TMPRSS9: variants seen among roughly 807,000 people sequenced by gnomAD.
TMPRSS9 encodes the protein transmembrane serine protease 9, also known as transmembrane protease serine 9.
TMPRSS9 carries 113 observed loss-of-function variants against 111.4 expected under a neutral mutation model. The observed-to-expected ratio is 1.01, with a 90% CI of 0.87 to 1.19. The LOEUF is 1.19. Among genes scored for constraint, TMPRSS9 ranks in the 50% most tolerant of loss-of-function variants. The probability of loss-of-function intolerance (pLI) is 0.00; values close to 1 mark genes in which losing one functional copy is unlikely to be tolerated. For synonymous variants in TMPRSS9, 805 were observed against 659.1 expected (o/e 1.22, Z -3.39); for missense variants, 1,803 against 1,513.1 (o/e 1.19, Z -3.18).
At chr19:2,388,781 T>C (rs1970525854), upstream of TMPRSS9, among the ~76,000 whole-genome samples, 1 of 151,568 alleles carries the variant, frequency 6.6e-6, no homozygotes, top group Non-Finnish European at 1.5e-5. Flanking sequence ...CCACCACATC[T>C]GGCTAATTTT....
intron 7 of TMPRSS9, 107 bp downstream of exon 8, chr19:2,405,652 ATT>A: frequency 8.4e-7 from 1 of 1,193,772 alleles, no homozygotes; most frequent in Non-Finnish European, 1.1e-6. Flanking sequence ...CCTGGAAGTA[ATT>A]TTTTCTTTTC....
At chr19:2,422,236 C>G (rs745674837) in exon 14 of TMPRSS9, 1 of 1,509,152 alleles carries the variant, frequency 6.6e-7, no homozygotes, top group Non-Finnish European at 8.8e-7. Flanking sequence ...ACCACACACA[C>G]CCAGCTACCA....
chr19:2,395,358 G>A (rs1014023034), intron 1 of TMPRSS9, among the ~76,000 whole-genome samples: 3 of 152,096 alleles, frequency 2.0e-5, no homozygotes, highest in Non-Finnish European at 2.9e-5. Flanking sequence ...GCTTGAACCC[G>A]GGAGATGGAG....
At chr19:2,420,441 C>CAAAAAAAA (rs575760141) in intron 13 of TMPRSS9, among the ~76,000 whole-genome samples, 1 of 106,150 alleles carries the variant, frequency 9.4e-6, no homozygotes, top group Non-Finnish European at 1.9e-5. Flanking sequence ...GACTCCACCT[C>CAAAAAAAA]AAAAAAAAAA....
At chr19:2,424,514 C>T (rs1971553336) in intron 15 of TMPRSS9, among the ~76,000 whole-genome samples, 1 of 149,406 alleles carries the variant, frequency 6.7e-6, no homozygotes, top group South Asian at 2.1e-4. Flanking sequence ...CCGCGGTCCC[C>T]ACCTAACCCG....
chr19:2,410,202 A>G, intron 8 of TMPRSS9, 56 bp from the exon 10 acceptor site: 1 of 1,602,370 alleles, frequency 6.2e-7, no homozygotes, highest in Non-Finnish European at 8.5e-7. Flanking sequence ...CCCAGCTCAA[A>G]GTGGCTGCCA....
chr19:2,410,331 C>T, exon 9 of TMPRSS9: 5 of 1,614,102 alleles, frequency 3.1e-6, no homozygotes, highest in Non-Finnish European at 4.2e-6. Context: ...GCTTGTACGG[C>T]CATTCACTCA....
chr19:2,415,162 C>G (rs1162271011), intron 10 of TMPRSS9, among the ~76,000 whole-genome samples: 1 of 151,996 alleles, frequency 6.6e-6, no homozygotes, highest in African/African-American at 2.4e-5. Flanking sequence ...CCAGGCTGGT[C>G]TCGAACTCCT....
intron 6 of TMPRSS9, 105 bp from the exon 8 acceptor site, chr19:2,405,269 T>C: frequency 7.1e-7 from 1 of 1,409,132 alleles, no homozygotes; most frequent in Non-Finnish European, 9.3e-7. Context: ...AGCATCTCTT[T>C]GAACTTAGGG....
Position 2,360,476 on chromosome 19 carries a change from C to T in TMPRSS9, c.-26+116C>T, listed in dbSNP as rs538784669. On this transcript the variant is annotated intron_variant, in intron 1 of 17. Transcript: ENST00000649857. Reference sequence around the variant, plus strand: ...TGCCTCTGGGGCTGTGTAGAGGTGGCGTGGCGGGAGTGTGTAGATGCAGCC... The same window carrying T: ...TGCCTCTGGGGCTGTGTAGAGGTGGTGTGGCGGGAGTGTGTAGATGCAGCC... 3.3e-5 allele frequency among the ~76,000 whole-genome samples: 5 copies of T among 152,252 alleles called. No homozygotes were observed. The East Asian group carries it at 7.7e-4, about 23-fold the overall frequency.
Position 2,379,747 on chromosome 19 carries a change from TCTCA to T in TMPRSS9, c.-25-10013_-25-10010del, listed in dbSNP as rs1282416260. On this transcript the variant is annotated intron_variant, in intron 1 of 17. Transcript: ENST00000649857. ...TTTTCTCTTTCTCTCTCTCTCTCTC[TCTCA>T]TTCTCTCTTTTCTCTCTTTCTTTCT... is the stretch of plus-strand genomic sequence containing the variant. 2.0e-3 allele frequency among the ~76,000 whole-genome samples: 293 copies of T among 150,256 alleles called. 1 individual carries two copies. Among genetic ancestry groups the T allele is most frequent in the African/African-American group, 6.9e-3 (282 of 40,764 alleles).
chr19:2,393,241 A>G (rs995486200), intron 1 of TMPRSS9, among the ~76,000 whole-genome samples: 17 of 152,068 alleles, frequency 1.1e-4, no homozygotes, highest in Non-Finnish European at 4.4e-5. Flanking sequence ...GTTGGGTGTG[A>G]GATGCTTTTA....
intron 13 of TMPRSS9, 136 bp downstream of exon 14, chr19:2,418,274 CTCCTTTTCCTTTCCTCCTTTCCT>C: frequency 2.1e-6 from 2 of 973,282 alleles, no homozygotes; most frequent in Admixed American, 5.1e-5. Flanking sequence ...TTGTCCTTCC[CTCCTTTTCCTTTCCTCCTTTCCT>C]TCCCTCCCTT....
At chr19:2,405,426 G>A (rs752902242) in exon 7 of TMPRSS9, 1 of 1,607,866 alleles carries the variant, frequency 6.2e-7, no homozygotes, top group South Asian at 1.1e-5. Flanking sequence ...TGGGCGGCAT[G>A]GAAGCATCCC....
intron 1 of TMPRSS9, among the ~76,000 whole-genome samples, chr19:2,381,601 C>T (rs1158230478): frequency 6.6e-6 from 1 of 151,490 alleles, no homozygotes; most frequent in African/African-American, 2.4e-5. Flanking sequence ...CTCCACGCTG[C>T]CCCTGCCTTG....
intron 4 of TMPRSS9, among the ~76,000 whole-genome samples, chr19:2,401,118 C>G (rs10414092): frequency 0.15 from 19,551 of 133,660 alleles, 2,271 homozygotes; most frequent in African/African-American, 0.34. Flanking sequence ...ACTAAAAATA[C>G]AAAAAATCAG....
intron 1 of TMPRSS9, among the ~76,000 whole-genome samples, chr19:2,360,906 A>T (rs1311011391): frequency 6.6e-6 from 1 of 150,974 alleles, no homozygotes; most frequent in Non-Finnish European, 1.5e-5. Context: ...GTGTGGACGT[A>T]GCCGGGATTG....
exon 18 of TMPRSS9, chr19:2,426,142 G>A (rs929455060): frequency 9.0e-6 from 13 of 1,445,306 alleles, no homozygotes; most frequent in Non-Finnish European, 1.1e-5. Flanking sequence ...AGGAGCAGCA[G>A]GCCACCCAAC....
rs1382528947 is a variant in TMPRSS9, at chr19:2,396,682, G to A, written c.270+16G>A. 1 of 1,596,902 alleles carries A rather than the reference G, an allele frequency of 6.3e-7. No homozygotes were observed. The highest frequency in any genetic ancestry group is 8.6e-7 in the Non-Finnish European group (1 of 1,168,120). On this transcript the variant is annotated intron_variant, in intron 2 of 17. Transcript: ENST00000648592. ...GGAGGCACTGGTGAGGGTGGTCTGT[G>A]TTTGGGGGCCAGGGAGGAAGAGCGG...
Sources: allele counts gnomAD v4.1 joint callset (sites outside exome capture counted in the v4.1 genomes callset), GRCh38; gene constraint gnomAD v4.1.1; transcripts MANE v1.5; gene names NCBI Gene and HGNC (gene_info 2026-07-23, HGNC 2026-07-21).